KCNIP4: variants seen among roughly 807,000 people sequenced by gnomAD.
KCNIP4 encodes potassium voltage-gated channel interacting protein 4.
KCNIP4 carries 12 observed loss-of-function variants against 34.0 expected under a neutral mutation model. The ratio of observed to expected loss-of-function variants is 0.35; its 90% CI spans 0.23 to 0.57. The LOEUF is 0.57. Among genes scored for constraint, KCNIP4 ranks in the 20% least tolerant of loss-of-function variants. The pLI, the probability that KCNIP4 is intolerant of heterozygous loss-of-function variation, is 0.83. For synonymous variants in KCNIP4, 124 were observed against 102.2 expected (o/e 1.21, Z -1.29); for missense variants, 238 against 311.7 (o/e 0.76, Z 1.78).
At chr4:21,049,240 G>A (rs965251722) in intron 1 of KCNIP4, among the ~76,000 whole-genome samples, 5 of 151,982 alleles carry the variant, frequency 3.3e-5, no homozygotes, top group African/African-American at 1.2e-4. Context: ...GTGAGCCACC[G>A]CGCCCGGCCC....
In KCNIP4 at chr4:21,519,446, GTGTATATACACATATGTGTGTATGTGTA is replaced by G. The variant is rs1560479486; in HGVS notation, c.61+429097_61+429124del. On this transcript the variant is annotated intron_variant, in intron 1 of 8. Coordinates refer to ENST00000382152, the MANE Select transcript of KCNIP4 (RefSeq NM_025221.6). The stretch of plus-strand genomic sequence containing the variant: ...TATACACATATGTGTGTATATGTAT[GTGTATATACACATATGTGTGTATGTGTA>G]TGTGTATATACACATATGTGTGTAT... 2.2e-4 allele frequency among the ~76,000 whole-genome samples: 29 copies of G among 130,096 alleles called. 3 individuals are homozygous for G. Among genetic ancestry groups the G allele is most frequent in the Non-Finnish European group, 4.1e-4 (25 of 60,366 alleles). 85.3% of individuals were successfully genotyped at this position (130,096 alleles called of 152,430 possible). A position where few individuals can be genotyped will look rare whatever the true frequency, so the allele number is the denominator to read the frequency against.
At chr4:20,865,415 TATTA>T (rs1427641438) in intron 2 of KCNIP4, among the ~76,000 whole-genome samples, 2 of 152,108 alleles carry the variant, frequency 1.3e-5, no homozygotes, top group Non-Finnish European at 2.9e-5. Flanking sequence ...TTTTAAATAT[TATTA>T]ATTAAAATTG....
rs561785895 is a variant in KCNIP4 at position 20,939,338 on chromosome 4, A to G, written c.62-56629T>C. ...TTTCCGATGCTTCCCTCATTGCTAG[A>G]TGTTAAACTTTCAGCCCATAATCTT... On this transcript the variant is annotated intron_variant, in intron 1 of 8. Coordinates refer to ENST00000382152, the MANE Select transcript of KCNIP4 (RefSeq NM_025221.6). Among the ~76,000 whole-genome samples the G allele has an allele frequency of 5.9e-5, 9 of 152,052 alleles. No homozygotes were observed. The South Asian group carries it at 1.9e-3, about 32-fold the overall frequency.
intron 1 of KCNIP4, among the ~76,000 whole-genome samples, chr4:21,407,495 T>C (rs79677334): frequency 0.065 from 9,920 of 152,242 alleles, 499 homozygotes; most frequent in African/African-American, 0.14. Flanking sequence ...GAACAGTGTC[T>C]GGAGTAAATT....
At chr4:21,634,475 T>G (rs947013592) in intron 1 of KCNIP4, among the ~76,000 whole-genome samples, 1 of 152,110 alleles carries the variant, frequency 6.6e-6, no homozygotes, top group African/African-American at 2.4e-5. Flanking sequence ...GAGATCATAC[T>G]GTGAAATTTT....
Position 21,200,339 on chromosome 4 carries a change from CAT to C in KCNIP4, c.62-317632_62-317631del, listed in dbSNP as rs1327265681. ...ACATATATGTGTGTATATATATATA[CAT>C]ACATATATGTGTGTATATATATATA... On this transcript the variant is annotated intron_variant, in intron 1 of 8. Coordinates refer to ENST00000382152, the MANE Select transcript of KCNIP4 (RefSeq NM_025221.6). Among the ~76,000 whole-genome samples the C allele has an allele frequency of 2.2e-4, 24 of 111,588 alleles. 3 individuals are homozygous for C. Among genetic ancestry groups the C allele is most frequent in the African/African-American group, 1.2e-3 (22 of 18,326 alleles). 73.2% of individuals were successfully genotyped at this position (111,588 alleles called of 152,430 possible). A position where few individuals can be genotyped will look rare whatever the true frequency, so the allele number is the denominator to read the frequency against.
intron 1 of KCNIP4, among the ~76,000 whole-genome samples, chr4:21,834,804 G>T (rs1054791985): frequency 2.6e-5 from 4 of 151,980 alleles, no homozygotes; most frequent in African/African-American, 9.7e-5. Flanking sequence ...TAGCATGAAG[G>T]GTTGTTGAAT....
chr4:21,237,866 C>T (rs1458930385), intron 1 of KCNIP4, among the ~76,000 whole-genome samples: 1 of 152,156 alleles, frequency 6.6e-6, no homozygotes, highest in African/African-American at 2.4e-5. Context: ...GGAATCCTCC[C>T]TAATTCATTT....
chr4:21,251,371 G>T (rs6858567), intron 1 of KCNIP4, among the ~76,000 whole-genome samples: 38,962 of 151,860 alleles, frequency 0.26, 9,738 homozygotes, highest in African/African-American at 0.65. Context: ...TACTTTAACG[G>T]ATAAAACAAA....
intron 1 of KCNIP4, among the ~76,000 whole-genome samples, chr4:21,229,961 C>T (rs1358274002): frequency 1.3e-5 from 2 of 152,048 alleles, no homozygotes; most frequent in African/African-American, 2.4e-5. Flanking sequence ...TAAATAGTGT[C>T]CACCCAACAT....
At chr4:21,590,200 G>A (rs1742082765) in intron 1 of KCNIP4, among the ~76,000 whole-genome samples, 1 of 152,032 alleles carries the variant, frequency 6.6e-6, no homozygotes, top group Non-Finnish European at 1.5e-5. Context: ...GGCAGCTGGT[G>A]TCTCACTCAT....
chr4:21,022,658 C>A (rs560684292), intron 1 of KCNIP4, among the ~76,000 whole-genome samples: 10 of 152,210 alleles, frequency 6.6e-5, no homozygotes, highest in African/African-American at 2.2e-4. Flanking sequence ...AACAATAATA[C>A]AATAAAGGAA....
intron 3 of KCNIP4, among the ~76,000 whole-genome samples, chr4:20,801,004 TAAAGAC>T (rs961768775): frequency 4.6e-5 from 7 of 151,972 alleles, no homozygotes; most frequent in Non-Finnish European, 8.8e-5. Flanking sequence ...TGTCAAAACT[TAAAGAC>T]AAAGAATTTT....
intron 1 of KCNIP4, among the ~76,000 whole-genome samples, chr4:21,491,679 G>T (rs908488808): frequency 1.3e-5 from 2 of 152,126 alleles, no homozygotes; most frequent in African/African-American, 2.4e-5. Flanking sequence ...GGCCTGAAAT[G>T]ACATTGGAAA....
At chr4:21,423,244 CT>C (rs1232812737) in intron 1 of KCNIP4, among the ~76,000 whole-genome samples, 2 of 152,180 alleles carry the variant, frequency 1.3e-5, no homozygotes, top group Non-Finnish European at 2.9e-5. Context: ...TTGATTGTCA[CT>C]TTCAACATTA....
chr4:20,780,889 A>T (rs1756812168), intron 3 of KCNIP4, among the ~76,000 whole-genome samples: 1 of 152,166 alleles, frequency 6.6e-6, no homozygotes, highest in South Asian at 2.1e-4. Flanking sequence ...TGTTACATGT[A>T]CTCAAAAATA....
At chr4:21,825,572 A>G (rs1172569242) in intron 1 of KCNIP4, among the ~76,000 whole-genome samples, 1 of 152,202 alleles carries the variant, frequency 6.6e-6, no homozygotes, top group Non-Finnish European at 1.5e-5. Context: ...GATTGAAGGT[A>G]ATGACATGAA....
intron 1 of KCNIP4, chr4:21,763,141 T>C: frequency 8.7e-6 from 11 of 1,268,544 alleles, no homozygotes; most frequent in Non-Finnish European, 1.1e-5. Flanking sequence ...TCCTTCACTG[T>C]GGTTGAATTC....
At chr4:21,175,812 T>C (rs1754362751) in intron 1 of KCNIP4, among the ~76,000 whole-genome samples, 1 of 152,160 alleles carries the variant, frequency 6.6e-6, no homozygotes, top group African/African-American at 2.4e-5. Flanking sequence ...TCTGGGATTT[T>C]CCTTTAATAT....
Sources: allele counts gnomAD v4.1 joint callset (sites outside exome capture counted in the v4.1 genomes callset), GRCh38; gene constraint gnomAD v4.1.1; transcripts MANE v1.5; gene names NCBI Gene and HGNC (gene_info 2026-07-23, HGNC 2026-07-21).